Variants in CR1L observed in about 807,000 individuals in gnomAD.
CR1L encodes the protein complement C3b/C4b receptor 1 like.
A neutral mutation model predicts 62.3 loss-of-function variants in CR1L; 59 were observed. The ratio of observed to expected loss-of-function variants is 0.95; its 90% CI spans 0.77 to 1.18. The LOEUF (loss-of-function observed/expected upper bound fraction) is 1.18, where lower values mean the gene tolerates loss of function less well. Ranked by LOEUF, CR1L falls within the 50% of genes most tolerant of loss-of-function variation. The probability of loss-of-function intolerance (pLI) is 0.00; values close to 1 mark genes in which losing one functional copy is unlikely to be tolerated. For synonymous variants in CR1L, 279 were observed against 248.7 expected (o/e 1.12, Z -1.15); for missense variants, 700 against 702.8 (o/e 1.00, Z 0.04).
At chr1:207,674,437 AG>A (rs1259035586) in intron 1 of CR1L, among the ~76,000 whole-genome samples, 1 of 152,200 alleles carries the variant, frequency 6.6e-6, no homozygotes, top group Non-Finnish European at 1.5e-5. Flanking sequence ...CATAAGAACC[AG>A]CCACAAATTG....
chr1:207,684,480 A>G (rs1663865377), intron 4 of CR1L, among the ~76,000 whole-genome samples: 1 of 152,206 alleles, frequency 6.6e-6, no homozygotes, highest in Admixed American at 6.5e-5. Flanking sequence ...TAAACTTTTC[A>G]TTGCAGCATT....
intron 1 of CR1L, among the ~76,000 whole-genome samples, chr1:207,674,445 A>G (rs570730305): frequency 6.6e-6 from 1 of 152,324 alleles, no homozygotes; most frequent in South Asian, 2.1e-4. Context: ...CCAGCCACAA[A>G]TTGAGGGATT....
At chr1:207,665,514 A>G (rs926256136) in intron 1 of CR1L, among the ~76,000 whole-genome samples, 11 of 151,852 alleles carry the variant, frequency 7.2e-5, no homozygotes, top group African/African-American at 2.7e-4. Flanking sequence ...CTCCTGGCTC[A>G]GCCTCCCGAG....
chr1:207,647,498 C>T (rs148907921), intron 1 of CR1L, among the ~76,000 whole-genome samples: 1 of 152,210 alleles, frequency 6.6e-6, no homozygotes, highest in South Asian at 2.1e-4. Flanking sequence ...TTCTCTGTCT[C>T]TCCCCATCAG....
intron 11 of CR1L, among the ~76,000 whole-genome samples, chr1:207,718,081 T>C (rs535929812): frequency 9.1e-4 from 138 of 152,372 alleles, no homozygotes; most frequent in African/African-American, 3.1e-3. Context: ...AAGTACATGA[T>C]GATGTAATTT....
At chr1:207,685,886 T>C (rs1320499198) in intron 4 of CR1L, among the ~76,000 whole-genome samples, 1 of 152,164 alleles carries the variant, frequency 6.6e-6, no homozygotes, top group Non-Finnish European at 1.5e-5. Context: ...TTTCTCATGC[T>C]GTAACCCTAG....
intron 8 of CR1L, among the ~76,000 whole-genome samples, 180 bp from the exon 9 acceptor site, chr1:207,701,339 G>A (rs957429713): frequency 2.0e-5 from 3 of 152,152 alleles, no homozygotes; most frequent in Non-Finnish European, 4.4e-5. Flanking sequence ...CTTTTTGAAA[G>A]TGGGGCTTAG....
At chr1:207,723,586 T>G in intron 11 of CR1L, 32 bp from the exon 12 acceptor site, 2 of 1,524,666 alleles carry the variant, frequency 1.3e-6, no homozygotes, top group Non-Finnish European at 9.0e-7. Flanking sequence ...CATGCCAGAG[T>G]GATGTTTTTG....
chr1:207,654,449 A>G (rs900766152), intron 1 of CR1L, among the ~76,000 whole-genome samples: 1 of 152,210 alleles, frequency 6.6e-6, no homozygotes, highest in Non-Finnish European at 1.5e-5. Context: ...GTATCAAACC[A>G]AAATACTAAA....
chr1:207,701,708 G>T (rs1664195059), intron 9 of CR1L, 90 bp downstream of exon 9: 2 of 1,537,908 alleles, frequency 1.3e-6, no homozygotes, highest in Admixed American at 3.4e-5. Context: ...CTAGGCTGTT[G>T]CCACCTGCTC....
intron 8 of CR1L, among the ~76,000 whole-genome samples, chr1:207,699,633 C>T (rs1664161306): frequency 6.6e-6 from 1 of 152,038 alleles, no homozygotes. Context: ...TCTTCTCTCC[C>T]TCTCTCCTTC....
chr1:207,676,875 C>T (rs1409762234), intron 1 of CR1L, among the ~76,000 whole-genome samples: 4 of 152,008 alleles, frequency 2.6e-5, no homozygotes, highest in African/African-American at 7.2e-5. Flanking sequence ...AAACTGGTCT[C>T]GAACTCCTGA....
At chr1:207,648,883 A>G (rs1250853556) in intron 1 of CR1L, among the ~76,000 whole-genome samples, 1 of 152,238 alleles carries the variant, frequency 6.6e-6, no homozygotes. Flanking sequence ...GTTCTGTAGA[A>G]TGATTATTTT....
chr1:207,680,399 A>G (rs1663777081), intron 3 of CR1L, among the ~76,000 whole-genome samples: 1 of 152,210 alleles, frequency 6.6e-6, no homozygotes, highest in Admixed American at 6.5e-5. Context: ...GGTGGATCAT[A>G]CCTGTCTCAA....
intron 1 of CR1L, among the ~76,000 whole-genome samples, chr1:207,665,707 G>A (rs989541603): frequency 3.3e-5 from 5 of 152,178 alleles, no homozygotes; most frequent in African/African-American, 1.2e-4. Flanking sequence ...ATGACACTGG[G>A]TGTATTAAAA....
chr1:207,709,101 T>C (rs1450475901), intron 10 of CR1L: 1 of 237,502 alleles, frequency 4.2e-6, no homozygotes. Context: ...GTTCTTATTA[T>C]TTAATAAAGA....
At chr1:207,652,608 C>G in intron 1 of CR1L, 4 of 1,512,658 alleles carry the variant, frequency 2.6e-6, no homozygotes, top group Non-Finnish European at 3.7e-6. Context: ...CAAAACCCTA[C>G]TATGAGATTG....
chr1:207,706,046 A>ATATATATATAT (rs1664263007), intron 9 of CR1L, among the ~76,000 whole-genome samples: 1 of 121,036 alleles, frequency 8.3e-6, no homozygotes, highest in Admixed American at 8.2e-5. Flanking sequence ...TATATATATA[A>ATATATATATAT]AACACTGAAT....
At chr1:207,651,759 C>A (rs1315192247) in intron 1 of CR1L, among the ~76,000 whole-genome samples, 1 of 152,130 alleles carries the variant, frequency 6.6e-6, no homozygotes, top group Non-Finnish European at 1.5e-5. Flanking sequence ...CAACAGCTAC[C>A]TCAGGGAGCT....
Sources: gnomAD v4.1 joint callset for allele counts (sites outside exome capture counted in the v4.1 genomes callset) on GRCh38, gnomAD v4.1.1 for gene constraint, MANE v1.5 for transcripts, NCBI Gene and HGNC (gene_info 2026-07-23, HGNC 2026-07-21) for gene names.